RPS6KA5: variants seen among roughly 807,000 people sequenced by gnomAD.
RPS6KA5 encodes the protein ribosomal protein S6 kinase A5.
Under a neutral mutation model 85.5 loss-of-function variants are expected in RPS6KA5, and 27 were observed. That is an observed-to-expected ratio of 0.32 (90% CI 0.23 to 0.44). RPS6KA5 has a LOEUF of 0.44. Ranked by LOEUF, RPS6KA5 falls within the 20% of genes least tolerant of loss-of-function variation. The pLI is 1.00. For synonymous variants in RPS6KA5, 334 were observed against 348.2 expected (o/e 0.96, Z 0.46); for missense variants, 811 against 980.9 (o/e 0.83, Z 2.31).
At chr14:90,879,655 G>A (rs537577622) in intron 14 of RPS6KA5, among the ~76,000 whole-genome samples, 109 of 152,190 alleles carry the variant, frequency 7.2e-4, no homozygotes, top group African/African-American at 2.5e-3. Flanking sequence ...CACATGCTCT[G>A]CTCTCTTTTC....
intron 14 of RPS6KA5, among the ~76,000 whole-genome samples, chr14:90,880,540 G>A (rs956533439): frequency 3.3e-5 from 5 of 152,132 alleles, no homozygotes; most frequent in Non-Finnish European, 7.3e-5. Flanking sequence ...AACTCAGATT[G>A]CATCCACATT....
chr14:91,051,545 A>C (rs10131529), intron 1 of RPS6KA5, among the ~76,000 whole-genome samples: 4,148 of 152,134 alleles, frequency 0.027, 137 homozygotes, highest in African/African-American at 0.085. Flanking sequence ...CTGGAATGCA[A>C]TGGTGCGATC....
At chr14:91,055,883 G>A (rs933850784) in intron 1 of RPS6KA5, among the ~76,000 whole-genome samples, 5 of 152,200 alleles carry the variant, frequency 3.3e-5, no homozygotes, top group Non-Finnish European at 7.3e-5. Flanking sequence ...CTCAAGCCAC[G>A]CTATGGAGAG....
chr14:91,021,941 T>C (rs2041799848), intron 1 of RPS6KA5, among the ~76,000 whole-genome samples: 2 of 152,186 alleles, frequency 1.3e-5, no homozygotes, highest in Admixed American at 6.5e-5. Flanking sequence ...GCATCAGGTA[T>C]GCTGCTTGCT....
chr14:90,950,342 CTATTTA>C (rs1176778661), intron 3 of RPS6KA5, among the ~76,000 whole-genome samples: 3 of 152,152 alleles, frequency 2.0e-5, no homozygotes, highest in Non-Finnish European at 2.9e-5. Context: ...TTAGGACTTT[CTATTTA>C]TAAGATGTCA....
intron 8 of RPS6KA5, among the ~76,000 whole-genome samples, chr14:90,904,099 G>A (rs952783966): frequency 6.6e-6 from 1 of 152,080 alleles, no homozygotes; most frequent in Non-Finnish European, 1.5e-5. Flanking sequence ...ACAGGCGACC[G>A]CCACCATGCC....
rs5810522 is a variant in RPS6KA5, at chr14:90,850,463, C to CAAAAAAAAAAAA, written c.*21599_*21610dup. The CAAAAAAAAAAAA allele has an allele frequency of 7.7e-6, 1 of 129,040 alleles. No homozygotes were observed. Among genetic ancestry groups the CAAAAAAAAAAAA allele is most frequent in the Non-Finnish European group, 1.7e-5 (1 of 60,334 alleles). 8.0% of individuals were successfully genotyped at this position (129,040 alleles called of 1,614,324 possible). On this transcript the variant is annotated 3_prime_UTR_variant, in exon 17 of 17. Coordinates refer to ENST00000614987, the MANE Select transcript of RPS6KA5 (RefSeq NM_004755.4). Reference sequence around the variant, plus strand: ...AACCTAATCAATGTGGGAAACCATACAAAAAAAAAAAAAAAAAACAGAAAA... The same window carrying CAAAAAAAAAAAA: ...AACCTAATCAATGTGGGAAACCATACAAAAAAAAAAAAAAAAAAAAAAAAAAAAAACAGAAAA...
intron 3 of RPS6KA5, among the ~76,000 whole-genome samples, chr14:90,964,759 A>G (rs1286048760): frequency 6.6e-6 from 1 of 151,798 alleles, no homozygotes; most frequent in Admixed American, 6.6e-5. Context: ...GCAAAATACA[A>G]AAAAATTTAG....
rs74692528 is a variant in RPS6KA5 at position 91,057,795 on chromosome 14, C to G, written c.103+2537G>C. Among the ~76,000 whole-genome samples, 516 of 152,306 alleles carry G rather than the reference C, an allele frequency of 3.4e-3. 4 individuals are homozygous for G. Among genetic ancestry groups the G allele is most frequent in the African/African-American group, 0.011 (476 of 41,568 alleles). On this transcript the variant is annotated intron_variant, in intron 1 of 16. Transcript: ENST00000614987. Reference sequence around the variant, plus strand: ...TCCTAAGGGCCCACTATATGCCAAGCAACCCGCTTAGCACTTTTCCAACAG... The same window carrying G: ...TCCTAAGGGCCCACTATATGCCAAGGAACCCGCTTAGCACTTTTCCAACAG...
intron 6 of RPS6KA5, among the ~76,000 whole-genome samples, chr14:90,922,107 G>A (rs2036427578): frequency 6.6e-6 from 1 of 152,086 alleles, no homozygotes; most frequent in Admixed American, 6.5e-5. Flanking sequence ...CTTTCACCAA[G>A]GGTTGTTAAA....
chr14:91,020,203 G>A (rs76904345), intron 1 of RPS6KA5, among the ~76,000 whole-genome samples: 1,800 of 152,156 alleles, frequency 0.012, 40 homozygotes, highest in African/African-American at 0.04. Flanking sequence ...GTGTGTGTGT[G>A]TGTGTGCATG....
intron 1 of RPS6KA5, among the ~76,000 whole-genome samples, chr14:91,004,690 G>A (rs1314498968): frequency 2.0e-5 from 3 of 151,900 alleles, no homozygotes; most frequent in Non-Finnish European, 2.9e-5. Context: ...GTTCCAGGCC[G>A]GGCGCGGTGG....
rs1255803875 is a variant in RPS6KA5 at position 90,890,660 on chromosome 14, C to A, written c.1663G>T (p.Glu555Ter). The A allele has an allele frequency of 6.2e-7, 1 of 1,613,548 alleles. No homozygotes were observed. Among genetic ancestry groups the A allele is most frequent in the Non-Finnish European group, 8.5e-7 (1 of 1,179,774 alleles). Reference protein sequence around the residue: ...LKPENLLFTDENDNLEIKIID... With the variant: ...LKPENLLFTD ...ATTTTAATTTCCAAATTGTCATTTTCATCGGTGAACAATAAATTCTGCAAG... is the reference window on the plus strand; with the variant it reads ...ATTTTAATTTCCAAATTGTCATTTTAATCGGTGAACAATAAATTCTGCAAG... Residue 555 changes from glutamate (E) to a stop codon, truncating the protein, a stop_gained, in exon 14 of 17, where the codon GAA (glutamate) becomes TAA (stop). Coordinates refer to ENST00000614987, the MANE Select transcript of RPS6KA5 (RefSeq NM_004755.4). LOFTEE classifies it high-confidence loss of function.
chr14:91,030,131 C>T (rs1290314928), intron 1 of RPS6KA5, among the ~76,000 whole-genome samples: 1 of 152,110 alleles, frequency 6.6e-6, no homozygotes, highest in African/African-American at 2.4e-5. Context: ...CCTGTAATCA[C>T]CAAAGGCAGA....
intron 3 of RPS6KA5, among the ~76,000 whole-genome samples, chr14:90,960,097 A>G (rs191270817): frequency 3.3e-5 from 5 of 152,204 alleles, no homozygotes; most frequent in African/African-American, 1.2e-4. Flanking sequence ...ACTATCCTAG[A>G]GATTCTTTGT....
At chr14:91,059,998 C>A (rs989474970) in intron 1 of RPS6KA5, 3 of 975,598 alleles carry the variant, frequency 3.1e-6, no homozygotes, top group Non-Finnish European at 3.7e-6. Context: ...CCTGACAGGA[C>A]GCAGACACAC....
rs940573012 is a variant in RPS6KA5 at position 90,850,744 on chromosome 14, C to T, written c.*21330G>A. 6.6e-6 allele frequency: 1 copy of T among 152,208 alleles called. No homozygotes were observed. The highest frequency in any genetic ancestry group is 1.5e-5 in the Non-Finnish European group (1 of 68,040). The allele number at this position is 152,208 out of a possible 1,614,324, so 9.4% of individuals were successfully genotyped here. On this transcript the variant is annotated 3_prime_UTR_variant, in exon 17 of 17. Coordinates refer to ENST00000614987, the MANE Select transcript of RPS6KA5 (RefSeq NM_004755.4). ...AAATTGCACTGGGTGAGCTCTAAGG[C>T]TCCTAAACTCTAAGATTCTCGTATG... is the stretch of plus-strand genomic sequence containing the variant.
intron 3 of RPS6KA5, among the ~76,000 whole-genome samples, chr14:90,976,373 T>C (rs1566816082): frequency 1.3e-5 from 2 of 152,140 alleles, no homozygotes. Context: ...GAAAAGATAA[T>C]CATTTCTCAA....
At chr14:90,881,076 C>A (rs1416472424) in intron 14 of RPS6KA5, among the ~76,000 whole-genome samples, 1 of 151,858 alleles carries the variant, frequency 6.6e-6, no homozygotes, top group African/African-American at 2.4e-5. Flanking sequence ...CTCAAGTGAT[C>A]CTCCTGCCTC....
Sources: gnomAD v4.1 joint callset for allele counts (sites outside exome capture counted in the v4.1 genomes callset) on GRCh38, gnomAD v4.1.1 for gene constraint, MANE v1.5 for transcripts, NCBI Gene and HGNC (gene_info 2026-07-23, HGNC 2026-07-21) for gene names.